TMC3: variants seen among roughly 807,000 people sequenced by gnomAD.
TMC3 encodes the protein transmembrane channel-like protein 3.
Under a neutral mutation model 110.6 loss-of-function variants are expected in TMC3, and 98 were observed. The ratio of observed to expected loss-of-function variants is 0.89; its 90% confidence interval spans 0.75 to 1.05. The LOEUF (loss-of-function observed/expected upper bound fraction) is 1.05. TMC3 is among the 50% of genes least tolerant of loss of function. The pLI, the probability that TMC3 is intolerant of heterozygous loss-of-function variation, is 0.00. For missense variants in TMC3, 1,319 were observed against 1,373.2 expected (o/e 0.96, Z 0.62); for synonymous variants, 489 against 513.1 (o/e 0.95, Z 0.63).
At chr15:81,357,534 CT>C (rs1894091494) in intron 7 of TMC3, among the ~76,000 whole-genome samples, 1 of 152,006 alleles carries the variant, frequency 6.6e-6, no homozygotes, top group African/African-American at 2.4e-5. Flanking sequence ...ACAGATGAGG[CT>C]CAGGGAAGGA....
At position 81,372,709 on chromosome 15, in the gene TMC3, C is replaced by T. The variant is rs1190453189; in HGVS notation, c.118G>A (p.Glu40Lys). 1 of 1,614,018 alleles carries T rather than the reference C, an allele frequency of 6.2e-7. No individual in the cohort carries two copies. The highest frequency in any genetic ancestry group is 1.3e-5 in the African/African-American group (1 of 75,070). Residue 40 changes from glutamate (E) to lysine (K), a missense_variant, in exon 2 of 22, where the codon GAA becomes AAA. Transcript: ENST00000359440. ...TCCGGATCATTGCTGTCCCCTGTTT[C>T]ATCAGCACTAAAGCTGTCATCCAAG... is the stretch of plus-strand genomic sequence containing the variant. ...SNLDDSFSADETGDSNDPEQI... is the reference protein window; with the variant it reads ...SNLDDSFSADKTGDSNDPEQI...
Position 81,332,959 on chromosome 15 carries a change from G to T in TMC3, c.2763C>A (p.Tyr921Ter). The T allele has an allele frequency of 6.2e-7, 1 of 1,612,620 alleles. No individual in the cohort carries two copies. Among genetic ancestry groups the T allele is most frequent in the Non-Finnish European group, 8.5e-7 (1 of 1,179,262 alleles). The change falls in exon 22 of 22, where the codon TAC becomes TAA. Residue 921 changes from tyrosine (Y) to a stop codon, truncating the protein, a stop_gained. Coordinates refer to ENST00000359440, the MANE Select transcript of TMC3 (RefSeq NM_001080532.3). LOFTEE classifies it low-confidence loss of function (END_TRUNC). ...IDASGDIVEL[Y>*]PRNVRQYASR... ...ATGCATATTGTCGCACGTTCCTGGGGTACAGCTCCACAATGTCACCTGAAG... is the reference window on the plus strand; with the variant it reads ...ATGCATATTGTCGCACGTTCCTGGGTTACAGCTCCACAATGTCACCTGAAG...
intron 10 of TMC3, 101 bp downstream of exon 10, chr15:81,351,593 C>T: frequency 1.4e-6 from 2 of 1,426,780 alleles, no homozygotes; most frequent in Non-Finnish European, 1.9e-6. Context: ...CTCAAGTGAT[C>T]CACCTGCCCC....
In TMC3 at chr15:81,372,752, C is replaced by G; in HGVS notation, c.90-15G>C. 1 of 1,613,022 alleles carries G rather than the reference C, an allele frequency of 6.2e-7. No homozygotes were observed. Among genetic ancestry groups the G allele is most frequent in the Non-Finnish European group, 8.5e-7 (1 of 1,179,324 alleles). On this transcript the variant is annotated splice_polypyrimidine_tract_variant and intron_variant, in intron 1 of 21. Coordinates refer to ENST00000359440, the MANE Select transcript of TMC3 (RefSeq NM_001080532.3). Reference sequence around the variant, plus strand: ...CATCCAAGTTGCTGAATGATCAGGGCATTAAGGAGGAAATCTGATTAGAAG... The same window carrying G: ...CATCCAAGTTGCTGAATGATCAGGGGATTAAGGAGGAAATCTGATTAGAAG...
intron 7 of TMC3, 145 bp from the exon 8 acceptor site, chr15:81,356,739 G>T: frequency 1.2e-6 from 1 of 861,178 alleles, no homozygotes; most frequent in Non-Finnish European, 1.7e-6. Context: ...GGACAGGAGA[G>T]CACCGACTGG....
At chr15:81,345,048 G>T in intron 12 of TMC3, 37 bp from the exon 13 acceptor site, 1 of 1,547,046 alleles carries the variant, frequency 6.5e-7, no homozygotes, top group South Asian at 1.2e-5. Flanking sequence ...GGAAGCAGGG[G>T]AGAAAGGAAA....
At chr15:81,354,167 C>G (rs1004017153) in intron 9 of TMC3, among the ~76,000 whole-genome samples, 3 of 152,182 alleles carry the variant, frequency 2.0e-5, no homozygotes, top group African/African-American at 4.8e-5. Context: ...CTTCTTCTGC[C>G]AACTTTGGAG....
At position 81,334,742 on chromosome 15, in the gene TMC3, T is replaced by C; in HGVS notation, c.2437A>G (p.Arg813Gly). 1 of 1,613,958 alleles carries C rather than the reference T, an allele frequency of 6.2e-7. No individual in the cohort carries two copies. The highest frequency in any genetic ancestry group is 1.6e-4 in the Middle Eastern group (1 of 6,062). The change falls in exon 21 of 22, where the codon AGG becomes GGG. Residue 813 changes from arginine (R) to glycine (G), a missense_variant. Coordinates refer to ENST00000359440, the MANE Select transcript of TMC3 (RefSeq NM_001080532.3). ...CACCTGTTAGTTTCATGCTCTAGCC[T>C]GGATTTGGGGACCCCAGGGAGAGGT... Reference protein sequence around the residue: ...SSPLPGVPKSRLEHETNRYLH... With the variant: ...SSPLPGVPKSGLEHETNRYLH...
chr15:81,370,963 G>A (rs905494094), intron 2 of TMC3, among the ~76,000 whole-genome samples: 6 of 151,712 alleles, frequency 4.0e-5, no homozygotes, highest in South Asian at 2.1e-4. Context: ...ATGAGCCACC[G>A]CACCCAGCCA....
chr15:81,369,526 A>G (rs1056669592), intron 2 of TMC3, among the ~76,000 whole-genome samples: 1 of 152,144 alleles, frequency 6.6e-6, no homozygotes, highest in East Asian at 1.9e-4. Context: ...TCAAATAACA[A>G]TTCATTTTAT....
At chr15:81,372,109 C>CT (rs201939813) in intron 2 of TMC3, among the ~76,000 whole-genome samples, 100 of 145,440 alleles carry the variant, frequency 6.9e-4, no homozygotes, top group Middle Eastern at 3.5e-3. Context: ...CCTATAAAGT[C>CT]TTTTTTTTTT....
chr15:81,332,152 A>G lies in TMC3; in HGVS notation c.*267T>C, dbSNP rs1893475599. 5.2e-6 allele frequency: 2 copies of G among 384,116 alleles called. No homozygotes were observed. Among genetic ancestry groups the G allele is most frequent in the African/African-American group, 2.1e-5 (1 of 48,536 alleles). 23.8% of individuals were successfully genotyped at this position (384,116 alleles called of 1,614,324 possible). The stretch of plus-strand genomic sequence containing the variant: ...CCAAATTCTTTCTTCCGAGGAGGCA[A>G]GTATTGAGATTGCTGCAGACCCGTG... On this transcript the variant is annotated 3_prime_UTR_variant, in exon 22 of 22. Transcript: ENST00000359440.
At chr15:81,362,087 G>T in intron 4 of TMC3, 133 bp downstream of exon 4, 1 of 682,542 alleles carries the variant, frequency 1.5e-6, no homozygotes, top group Non-Finnish European at 2.5e-6. Context: ...GTTCCATATG[G>T]AGGCCAGTGA....
chr15:81,362,358 T>C (rs1894208001), intron 3 of TMC3, 57 bp from the exon 4 acceptor site: 1 of 1,391,536 alleles, frequency 7.2e-7, no homozygotes, highest in Admixed American at 1.9e-5. Context: ...GCAATGGCTG[T>C]GCAGTACTAG....
intron 4 of TMC3, among the ~76,000 whole-genome samples, chr15:81,360,557 G>A (rs1399627676): frequency 6.6e-6 from 1 of 152,162 alleles, no homozygotes; most frequent in Non-Finnish European, 1.5e-5. Context: ...AAGGGATTTG[G>A]CTACAGGTGA....
intron 16 of TMC3, among the ~76,000 whole-genome samples, chr15:81,340,311 G>T (rs902882004): frequency 6.6e-6 from 1 of 152,204 alleles, no homozygotes; most frequent in Non-Finnish European, 1.5e-5. Flanking sequence ...TGTAGTAGGA[G>T]AGTGATAAGT....
At chr15:81,339,355 C>T (rs1208156751) in intron 17 of TMC3, 39 bp downstream of exon 17, 2 of 1,414,350 alleles carry the variant, frequency 1.4e-6, no homozygotes, top group Non-Finnish European at 2.0e-6. Context: ...TCCCTTACAG[C>T]TGTCAGTCAC....
At position 81,331,854 on chromosome 15, in the gene TMC3, G is replaced by A. The variant is rs533382841; in HGVS notation, c.*565C>T. 2 of 150,106 alleles carry A rather than the reference G, an allele frequency of 1.3e-5. No homozygotes were observed. Among genetic ancestry groups the A allele is most frequent in the African/African-American group, 5.1e-5 (2 of 39,192 alleles). 9.3% of individuals were successfully genotyped at this position (150,106 alleles called of 1,614,324 possible). On this transcript the variant is annotated 3_prime_UTR_variant, in exon 22 of 22. Transcript: ENST00000359440. ...CACTGCGCATGCTCCCCTCCCCAGC[G>A]CTAGCAGGCCACTACTGCGCATGCG...
chr15:81,349,785 C>G (rs1893905772), intron 10 of TMC3, among the ~76,000 whole-genome samples: 1 of 136,100 alleles, frequency 7.3e-6, no homozygotes, highest in South Asian at 2.3e-4. Flanking sequence ...TTTGAACTCT[C>G]CTTAAATGTT....
Sources: allele counts gnomAD v4.1 joint callset (sites outside exome capture counted in the v4.1 genomes callset), GRCh38; gene constraint gnomAD v4.1.1; transcripts MANE v1.5; gene names NCBI Gene and HGNC (gene_info 2026-07-23, HGNC 2026-07-21).